The following C6orf136 variants were observed in gnomAD, a reference collection of about 807,000 sequenced individuals.
The protein encoded by C6orf136 is uncharacterized protein C6orf136.
Under a neutral mutation model 44.0 loss-of-function variants are expected in C6orf136, and 29 were observed. That is an observed-to-expected ratio of 0.66 (90% CI 0.49 to 0.90). C6orf136 has a LOEUF of 0.90. Among genes scored for constraint, C6orf136 ranks in the 40% least tolerant of loss-of-function variants. The pLI is 0.00. For synonymous variants in C6orf136, 293 were observed against 278.6 expected (o/e 1.05, Z -0.52); for missense variants, 628 against 669.3 (o/e 0.94, Z 0.68).
In C6orf136 at chr6:30,652,810, T is replaced by G; in HGVS notation, c.1386T>G (p.Pro462=). The G allele has an allele frequency of 1.9e-6, 3 of 1,613,052 alleles. No individual in the cohort carries two copies. Among genetic ancestry groups the G allele is most frequent in the Non-Finnish European group, 2.5e-6 (3 of 1,180,020 alleles). The change falls in exon 6 of 6, where the codon CCT becomes CCG. Residue 462 remains proline (P), a synonymous_variant. Coordinates refer to ENST00000651131, the MANE Select transcript of C6orf136 (RefSeq NM_001161376.2). Reference sequence around the variant, plus strand: ...AACCTTTCTCCCTGCAGCTGATGCCTTCACACTCACCTCCAACGCCTGTGA... The same window carrying G: ...AACCTTTCTCCCTGCAGCTGATGCCGTCACACTCACCTCCAACGCCTGTGA... ...ICRHRLDKLM[P]SHSPPTPVKK...
In C6orf136 at chr6:30,647,340, G is replaced by C. The variant is rs1766926988; in HGVS notation, c.109G>C (p.Gly37Arg). The stretch of plus-strand genomic sequence containing the variant: ...AGAAGAGGGAGGGAGGAGAGGGGGC[G>C]GGGAGAGACCCTCCTCAAAGCCGGT... Reference protein sequence around the residue: ...GGEEGGRRGGGERPSSKPVRG... With the variant: ...GGEEGGRRGGRERPSSKPVRG... The change falls in exon 1 of 6, where the codon GGG becomes CGG. Residue 37 changes from glycine to arginine, a missense_variant. Physicochemically the swap from Gly to Arg is moderately radical, Grantham distance 125 (BLOSUM62 -2). Transcript: ENST00000651131. The surrounding 1 kb of genome is among the most constrained non-coding windows in gnomAD (Gnocchi z 4.8). The C allele has an allele frequency of 6.4e-7, 1 of 1,562,856 alleles. No homozygotes were observed. The highest frequency in any genetic ancestry group is 2.3e-5 in the East Asian group (1 of 42,634).
At chr6:30,648,326 T>C (rs1218942783) in intron 1 of C6orf136, among the ~76,000 whole-genome samples, 4 of 152,152 alleles carry the variant, frequency 2.6e-5, no homozygotes, top group African/African-American at 9.7e-5. Flanking sequence ...AAACCTGTTA[T>C]TCGTTAACTC....
chr6:30,650,871 C>T (rs1292192539), intron 2 of C6orf136, 123 bp from the exon 3 acceptor site: 2 of 684,024 alleles, frequency 2.9e-6, no homozygotes, highest in African/African-American at 1.8e-5. Context: ...GAGATTGTAC[C>T]TCTGTACTCC....
At chr6:30,651,216 GTTTT>G in intron 3 of C6orf136, 46 bp from the exon 4 acceptor site, 1 of 1,608,624 alleles carries the variant, frequency 6.2e-7, no homozygotes, top group Non-Finnish European at 8.5e-7. Context: ...AGCCAGTTTG[GTTTT>G]CTAATTCTGC....
chr6:30,652,239 TCACACACACACACACACACACACACACA>T (rs5875269), intron 4 of C6orf136, among the ~76,000 whole-genome samples: 6 of 142,606 alleles, frequency 4.2e-5, no homozygotes, highest in Admixed American at 7.1e-5. Flanking sequence ...TGAAACCCTG[TCACACACACACACACACACACACACACA>T]CACACACACA....
At chr6:30,649,347 G>A (rs1166367344) in intron 1 of C6orf136, among the ~76,000 whole-genome samples, 1 of 152,236 alleles carries the variant, frequency 6.6e-6, no homozygotes, top group Non-Finnish European at 1.5e-5. Context: ...TGGCAACAGA[G>A]CGAGACTCCA....
rs757458062 is a variant in C6orf136, at chr6:30,652,964, G to A, written c.*49G>A. 1 of 1,524,128 alleles carries A rather than the reference G, an allele frequency of 6.6e-7. No homozygotes were observed. Among genetic ancestry groups the A allele is most frequent in the Non-Finnish European group, 9.1e-7 (1 of 1,102,064 alleles). The allele number at this position is 1,524,128 out of a possible 1,614,324, so 94.4% of individuals were successfully genotyped here. ...GCACTGAAGACTGCTACGCCCAAGA[G>A]AAGGAGGTGGAGGCAGCCAAGAATC... On this transcript the variant is annotated 3_prime_UTR_variant, in exon 6 of 6. Transcript: ENST00000651131.
chr6:30,648,590 G>A (rs1767098105), intron 1 of C6orf136, among the ~76,000 whole-genome samples: 1 of 151,364 alleles, frequency 6.6e-6, no homozygotes, highest in Non-Finnish European at 1.5e-5. Context: ...TAGTAGAGAT[G>A]GGGTGTCACC....
In C6orf136 at chr6:30,652,735, C is replaced by G. The variant is rs1283856124; in HGVS notation, c.1377+18C>G. The G allele has an allele frequency of 6.2e-7, 1 of 1,612,732 alleles. No homozygotes were observed. The highest frequency in any genetic ancestry group is 8.5e-7 in the Non-Finnish European group (1 of 1,179,866). On this transcript the variant is annotated intron_variant, in intron 5 of 5. Coordinates refer to ENST00000651131, the MANE Select transcript of C6orf136 (RefSeq NM_001161376.2). ...TAGATAAAGTGAGTCCTAGGTAGGGCTGGGTGGGGTAAAGGGTAGAACATT... is the reference window on the plus strand; with the variant it reads ...TAGATAAAGTGAGTCCTAGGTAGGGGTGGGTGGGGTAAAGGGTAGAACATT...
intron 2 of C6orf136, among the ~76,000 whole-genome samples, chr6:30,650,376 G>A (rs1767292381): frequency 6.9e-6 from 1 of 145,980 alleles, no homozygotes; most frequent in African/African-American, 2.6e-5. Flanking sequence ...AACAGAGCGA[G>A]ACTCCGTCTC....
chr6:30,649,741 C>T lies in C6orf136; in HGVS notation c.799C>T (p.Leu267Phe), dbSNP rs1369948502. The change falls in exon 2 of 6, where the codon CTC (leucine) becomes TTC (phenylalanine). Residue 267 changes from leucine (L) to phenylalanine (F), a missense_variant. By Grantham distance (22) the Leu-to-Phe change is conservative. Around this residue, in one of 2 missense-constraint regions of C6orf136, gnomAD observed 497 missense variants for 469.2 expected, o/e 1.06. Coordinates refer to ENST00000651131, the MANE Select transcript of C6orf136 (RefSeq NM_001161376.2). ...GGCCCTCAGCTCAGCATGGGTGGTT[C>T]TCCCTCCAGGAAAGGGGGAGGAGGG... ...IQALSSAWVV[L>F]PPGKGEEGPG... 1 of 1,613,814 alleles carries T rather than the reference C, an allele frequency of 6.2e-7. No homozygotes were observed. The highest frequency in any genetic ancestry group is 1.3e-5 in the African/African-American group (1 of 74,878).
At chr6:30,649,522 A>G (rs1309397835) in intron 1 of C6orf136, 36 bp from the exon 2 acceptor site, 1 of 1,555,020 alleles carries the variant, frequency 6.4e-7, no homozygotes, top group Non-Finnish European at 8.6e-7. Context: ...AGACAAGTGG[A>G]TTCTTATCTT....
At chr6:30,648,091 T>C (rs1767041237) in intron 1 of C6orf136, among the ~76,000 whole-genome samples, 1 of 152,254 alleles carries the variant, frequency 6.6e-6, no homozygotes, top group African/African-American at 2.4e-5. Context: ...ACGTTTTGTT[T>C]ACATTCATTA....
In C6orf136 at chr6:30,651,384, C is replaced by T; in HGVS notation, c.1225C>T (p.Gln409Ter). ...LTRHPENWTL[Q>*]ARWRLVGLPV... Reference sequence around the variant, plus strand: ...CCGCCACCCTGAGAACTGGACCCTGCAAGCCCGGTGGCGGCTTGTGGGGCT... The same window carrying T: ...CCGCCACCCTGAGAACTGGACCCTGTAAGCCCGGTGGCGGCTTGTGGGGCT... Residue 409 changes from glutamine (Q) to a stop codon, truncating the protein, a stop_gained, in exon 4 of 6, where the codon CAA becomes TAA. Transcript: ENST00000651131. LOFTEE classifies it high-confidence loss of function. 6.2e-7 allele frequency: 1 copy of T among 1,613,760 alleles called. No individual in the cohort carries two copies.
Position 30,651,333 on chromosome 6 carries a change from CTTCG to C in C6orf136, c.1177_1180del (p.Arg393TrpfsTer6). On this transcript the variant is annotated frameshift_variant, in exon 4 of 6. Coordinates refer to ENST00000651131, the MANE Select transcript of C6orf136 (RefSeq NM_001161376.2). LOFTEE classifies it high-confidence loss of function. ...CCTGGCCTGGAATTATTTTGCACAC[CTTCG>C]TTTGGAGGTTTTACAGCTGACCCGC... 5 of 1,614,028 alleles carry C rather than the reference CTTCG, an allele frequency of 3.1e-6. No individual in the cohort carries two copies. Among genetic ancestry groups the C allele is most frequent in the Non-Finnish European group, 4.2e-6 (5 of 1,180,040 alleles).
At chr6:30,650,073 ATATAT>A (rs1214570692) in intron 2 of C6orf136, 114 bp downstream of exon 2, 31 of 940,250 alleles carry the variant, frequency 3.3e-5, no homozygotes, top group South Asian at 3.1e-5. Context: ...AGGCATAGAA[ATATAT>A]TATAAACATT....
Position 30,652,751 on chromosome 6 carries a change from G to A in C6orf136, c.1377+34G>A, listed in dbSNP as rs41273001. ...TAGGTAGGGCTGGGTGGGGTAAAGG[G>A]TAGAACATTTGTGTGCCTCCCCCAA... On this transcript the variant is annotated intron_variant, in intron 5 of 5. Transcript: ENST00000651131. 7.9e-3 allele frequency: 12,749 copies of A among 1,612,550 alleles called. 297 individuals carry two copies. The highest frequency in any genetic ancestry group is 0.072 in the East Asian group (3,254 of 44,886).
Position 30,647,363 on chromosome 6 carries a change from G to A in C6orf136, c.132G>A (p.Pro44=). The change falls in exon 1 of 6, where the codon CCG becomes CCA. Residue 44 remains proline (P), a synonymous_variant. Transcript: ENST00000651131. The surrounding 1 kb of genome is among the most constrained non-coding windows in gnomAD (Gnocchi z 4.8). ...RGGGERPSSK[P]VRGAERALGS... ...GCGGGGAGAGACCCTCCTCAAAGCC[G>A]GTGCGTGGGGCGGAGCGCGCGCTGG... 6.6e-7 allele frequency: 1 copy of A among 1,519,494 alleles called. No homozygotes were observed. The highest frequency in any genetic ancestry group is 8.8e-7 in the Non-Finnish European group (1 of 1,137,308). The allele number at this position is 1,519,494 out of a possible 1,614,324, so 94.1% of individuals were successfully genotyped here. A position where few individuals can be genotyped will look rare whatever the true frequency, so the allele number is the denominator to read the frequency against.
chr6:30,651,727 ACTC>A (rs967680252), intron 4 of C6orf136, among the ~76,000 whole-genome samples: 52 of 151,904 alleles, frequency 3.4e-4, no homozygotes, highest in African/African-American at 1.3e-3. Context: ...CTGGTCTCGA[ACTC>A]CTCACCTTAG....
Sources: gnomAD v4.1 joint callset for allele counts (sites outside exome capture counted in the v4.1 genomes callset) on GRCh38, gnomAD v4.1.1 for gene constraint, gnomAD v4.1.1 regional missense constraint, Gnocchi (gnomAD v3.1) non-coding constraint, MANE v1.5 for transcripts, NCBI Gene and HGNC (gene_info 2026-07-23, HGNC 2026-07-21) for gene names.